ME1: variants seen among roughly 807,000 people sequenced by gnomAD.
ME1 encodes malic enzyme 1, also known as NADP-dependent malic enzyme.
Under a neutral mutation model 66.4 loss-of-function variants are expected in ME1, and 74 were observed. The observed-to-expected ratio is 1.11, with a 90% confidence interval of 0.92 to 1.35. The LOEUF (loss-of-function observed/expected upper bound fraction) is 1.35. Ranked by LOEUF, ME1 falls within the 40% of genes most tolerant of loss-of-function variation. The pLI is 0.00. For missense variants in ME1, 750 were observed against 694.1 expected (o/e 1.08, Z -0.90); for synonymous variants, 251 against 235.6 (o/e 1.07, Z -0.60).
chr6:83,222,964 T>C (rs1020946852), intron 12 of ME1, among the ~76,000 whole-genome samples: 1 of 152,178 alleles, frequency 6.6e-6, no homozygotes, highest in African/African-American at 2.4e-5. Context: ...AAACAACTAA[T>C]TTCCTATTTT....
chr6:83,238,219 CA>C (rs1195803716), intron 8 of ME1, among the ~76,000 whole-genome samples: 1 of 152,040 alleles, frequency 6.6e-6, no homozygotes, highest in Non-Finnish European at 1.5e-5. Flanking sequence ...GGAACTTGAC[CA>C]ATTAGGCAAC....
intron 2 of ME1, among the ~76,000 whole-genome samples, chr6:83,403,548 C>T (rs922682516): frequency 6.6e-6 from 1 of 152,032 alleles, no homozygotes; most frequent in African/African-American, 2.4e-5. Flanking sequence ...AGGTTTGTTA[C>T]ATAGGTATAC....
chr6:83,361,908 G>C (rs1003700187), intron 3 of ME1, among the ~76,000 whole-genome samples: 1 of 152,168 alleles, frequency 6.6e-6, no homozygotes, highest in Non-Finnish European at 1.5e-5. Flanking sequence ...AGTGGCTCAC[G>C]TGTCCATGGT....
intron 3 of ME1, among the ~76,000 whole-genome samples, chr6:83,395,480 CTT>C (rs202031901): frequency 5.7e-4 from 80 of 141,184 alleles, no homozygotes; most frequent in African/African-American, 1.4e-3. Flanking sequence ...TAAATCTTTT[CTT>C]TTTTTTTTTT....
intron 6 of ME1, among the ~76,000 whole-genome samples, chr6:83,280,640 G>A (rs558436341): frequency 6.6e-6 from 1 of 152,110 alleles, no homozygotes; most frequent in Non-Finnish European, 1.5e-5. Flanking sequence ...TCCTTTTGCT[G>A]CCCATGTTTT....
At chr6:83,374,185 C>T (rs1769244291) in intron 3 of ME1, among the ~76,000 whole-genome samples, 1 of 152,192 alleles carries the variant, frequency 6.6e-6, no homozygotes, top group African/African-American at 2.4e-5. Context: ...ACACTGTCTT[C>T]CATAATGGTT....
chr6:83,290,040 T>C (rs1013266550), intron 6 of ME1, among the ~76,000 whole-genome samples: 29 of 152,152 alleles, frequency 1.9e-4, no homozygotes, highest in African/African-American at 6.8e-4. Flanking sequence ...TTATTAGTCT[T>C]GCTAGAGGGC....
At chr6:83,255,360 G>A (rs1766747055) in intron 6 of ME1, among the ~76,000 whole-genome samples, 1 of 151,638 alleles carries the variant, frequency 6.6e-6, no homozygotes, top group South Asian at 2.1e-4. Context: ...AGTACACTGT[G>A]CCATTAATTA....
chr6:83,314,775 T>C (rs189234361), intron 6 of ME1, among the ~76,000 whole-genome samples: 3 of 152,300 alleles, frequency 2.0e-5, no homozygotes, highest in Non-Finnish European at 2.9e-5. Context: ...TCAAATATTA[T>C]AGATTTAATC....
chr6:83,318,028 C>A (rs1419471115), intron 5 of ME1, among the ~76,000 whole-genome samples: 1 of 151,994 alleles, frequency 6.6e-6, no homozygotes, highest in Non-Finnish European at 1.5e-5. Flanking sequence ...CTTTGACAAA[C>A]CTGAGAAAAA....
At chr6:83,369,169 T>G (rs941280689) in intron 3 of ME1, among the ~76,000 whole-genome samples, 2 of 152,140 alleles carry the variant, frequency 1.3e-5, no homozygotes, top group African/African-American at 4.8e-5. Flanking sequence ...TCAGGTCATG[T>G]GGGTCATTAC....
At position 83,237,845 on chromosome 6, in the gene ME1, G is replaced by A; in HGVS notation, c.913-15C>T. 6.8e-7 allele frequency: 1 copy of A among 1,470,138 alleles called. No homozygotes were observed. Among genetic ancestry groups the A allele is most frequent in the South Asian group, 1.3e-5 (1 of 79,776 alleles). 91.1% of individuals were successfully genotyped at this position (1,470,138 alleles called of 1,614,324 possible). On this transcript the variant is annotated splice_polypyrimidine_tract_variant and intron_variant, in intron 8 of 13. Transcript: ENST00000369705. Reference sequence around the variant, plus strand: ...CCTAGGGCAGCCTCAGTGATGAAAAGAAAAAATTTTAAAGTTGTTCTACAT... The same window carrying A: ...CCTAGGGCAGCCTCAGTGATGAAAAAAAAAAATTTTAAAGTTGTTCTACAT...
chr6:83,284,407 C>A (rs1767360296), intron 6 of ME1, among the ~76,000 whole-genome samples: 1 of 152,066 alleles, frequency 6.6e-6, no homozygotes, highest in South Asian at 2.1e-4. Context: ...GCCAGCATCA[C>A]CCTTCTACCA....
At chr6:83,227,049 CCTTT>C (rs1323081478) in intron 11 of ME1, among the ~76,000 whole-genome samples, 1 of 151,234 alleles carries the variant, frequency 6.6e-6, no homozygotes, top group Non-Finnish European at 1.5e-5. Context: ...CAAGCTGCTT[CCTTT>C]CTATTTAACT....
chr6:83,364,048 T>C (rs1474212335), intron 3 of ME1, among the ~76,000 whole-genome samples: 2 of 152,184 alleles, frequency 1.3e-5, no homozygotes, highest in African/African-American at 4.8e-5. Flanking sequence ...GATTGAAAGA[T>C]ACATAGTATT....
At chr6:83,245,519 C>T (rs1342789843) in intron 7 of ME1, among the ~76,000 whole-genome samples, 1 of 152,124 alleles carries the variant, frequency 6.6e-6, no homozygotes, top group Non-Finnish European at 1.5e-5. Context: ...GATTCTCCTG[C>T]CTCAGCGTCC....
At chr6:83,417,157 C>T (rs1770176497) in intron 1 of ME1, among the ~76,000 whole-genome samples, 1 of 152,092 alleles carries the variant, frequency 6.6e-6, no homozygotes, top group Non-Finnish European at 1.5e-5. Context: ...TCAAGCAATC[C>T]TCTTGCCTTA....
Position 83,216,586 on chromosome 6 carries a change from T to G in ME1, c.1460A>C (p.Gln487Pro), listed in dbSNP as rs370774453. 2.5e-6 allele frequency: 4 copies of G among 1,607,176 alleles called. No individual in the cohort carries two copies. The highest frequency in any genetic ancestry group is 1.3e-5 in the African/African-American group (1 of 74,724). The change falls in exon 13 of 14, where the codon CAG becomes CCG. Residue 487 changes from glutamine to proline, a missense_variant. By Grantham distance (76) the Gln-to-Pro change is moderately conservative (BLOSUM62 -1). Transcript: ENST00000369705. Reference sequence around the variant, plus strand: ...TTCCAAGTGTTTATCTGACACTTGCTGAGCTATAACCTTATGAAAAAAAGA... The same window carrying G: ...TTCCAAGTGTTTATCTGACACTTGCGGAGCTATAACCTTATGAAAAAAAGA... ...IFLTTAEVIA[Q>P]QVSDKHLEEG...
chr6:83,268,693 G>A (rs909808071), intron 6 of ME1, among the ~76,000 whole-genome samples: 1 of 151,438 alleles, frequency 6.6e-6, no homozygotes, highest in Non-Finnish European at 1.5e-5. Context: ...AGCCCCATAA[G>A]TATCTGGGAC....
Sources: gnomAD v4.1 joint callset for allele counts (sites outside exome capture counted in the v4.1 genomes callset) on GRCh38, gnomAD v4.1.1 for gene constraint, MANE v1.5 for transcripts, NCBI Gene and HGNC (gene_info 2026-07-23, HGNC 2026-07-21) for gene names.